The following ELP4 variants were observed in gnomAD, a reference collection of about 807,000 sequenced individuals.
ELP4 encodes the protein elongator complex protein 4.
Under a neutral mutation model 48.9 loss-of-function variants are expected in ELP4, and 51 were observed. That is an observed-to-expected ratio of 1.04 (90% CI 0.83 to 1.32). The LOEUF is 1.32. Among genes scored for constraint, ELP4 ranks in the 40% most tolerant of loss-of-function variants. The probability of loss-of-function intolerance (pLI) is 0.00; values close to 1 mark genes in which losing one functional copy is unlikely to be tolerated. For synonymous variants in ELP4, 210 were observed against 189.2 expected, an observed-to-expected ratio of 1.11 and a Z score of -0.90; for missense variants, 519 against 514.6, an observed-to-expected ratio of 1.01 and a Z score of -0.08.
intron 9 of ELP4, among the ~76,000 whole-genome samples, chr11:31,676,840 C>T (rs182431202): frequency 8.6e-4 from 131 of 152,248 alleles, no homozygotes; most frequent in African/African-American, 3.1e-3. Flanking sequence ...AGGCCAAGCC[C>T]TCTTTGTAGC....
At chr11:31,752,459 ACTCT>A (rs1255414052) in intron 9 of ELP4, among the ~76,000 whole-genome samples, 3 of 152,028 alleles carry the variant, frequency 2.0e-5, no homozygotes, top group Non-Finnish European at 2.9e-5. Context: ...AAGAATGTCC[ACTCT>A]CTCAGGGTCT....
At chr11:31,679,595 T>C (rs1242092045) in intron 9 of ELP4, among the ~76,000 whole-genome samples, 1 of 152,144 alleles carries the variant, frequency 6.6e-6, no homozygotes, top group African/African-American at 2.4e-5. Flanking sequence ...CCTAAAGACA[T>C]CATTTTAACT....
chr11:31,689,245 A>G (rs1946224181), intron 9 of ELP4: 1 of 152,170 alleles, frequency 6.6e-6, no homozygotes, highest in Non-Finnish European at 1.5e-5. Context: ...GTGGAAGACC[A>G]ACCTAGGCAA....
intron 9 of ELP4, among the ~76,000 whole-genome samples, chr11:31,748,009 T>C (rs1947634261): frequency 6.6e-6 from 1 of 152,164 alleles, no homozygotes; most frequent in South Asian, 2.1e-4. Flanking sequence ...GTTTGGACTA[T>C]GTCCAAAAAA....
chr11:31,703,425 C>G (rs1213453215), intron 9 of ELP4, among the ~76,000 whole-genome samples: 1 of 152,046 alleles, frequency 6.6e-6, no homozygotes, highest in African/African-American at 2.4e-5. Context: ...AAAACATTAG[C>G]CAGTGTTTTT....
At chr11:31,731,076 G>A (rs1318833976) in intron 9 of ELP4, among the ~76,000 whole-genome samples, 1 of 152,108 alleles carries the variant, frequency 6.6e-6, no homozygotes, top group African/African-American at 2.4e-5. Context: ...CTCTAATCAG[G>A]CTGATTGGCA....
At chr11:31,545,528 G>A (rs1956687996) in intron 3 of ELP4, among the ~76,000 whole-genome samples, 1 of 152,156 alleles carries the variant, frequency 6.6e-6, no homozygotes, top group Non-Finnish European at 1.5e-5. Context: ...TGAAAGTGAT[G>A]GGGAGAATGG....
At chr11:31,674,788 A>G (rs2862801) in intron 9 of ELP4, among the ~76,000 whole-genome samples, 96,607 of 152,126 alleles carry the variant, frequency 0.64, 33,137 homozygotes, top group Non-Finnish European at 0.76. Flanking sequence ...CACTCATAAA[A>G]TTAAACTTAT....
intron 9 of ELP4, among the ~76,000 whole-genome samples, chr11:31,770,717 A>C (rs1291393205): frequency 6.6e-6 from 1 of 151,790 alleles, no homozygotes; most frequent in African/African-American, 2.4e-5. Context: ...GGAGTTTGAG[A>C]CCAGCCTGGG....
Position 31,509,895 on chromosome 11 carries a change from C to A in ELP4, c.111C>A (p.Ser37Arg). ...TCCAGAGGAGGGGTCCTAGAGCCAG[C>A]GTGACCAACGACAGCGGCCCTCGAC... ...TSFQRRGPRASVTNDSGPRLV... is the reference protein window; with the variant it reads ...TSFQRRGPRARVTNDSGPRLV... The change falls in exon 1 of 10, where the codon AGC becomes AGA. Residue 37 changes from serine (S) to arginine (R), a missense_variant. Coordinates refer to ENST00000640961, the MANE Select transcript of ELP4 (RefSeq NM_019040.5). The A allele has an allele frequency of 6.2e-7, 1 of 1,614,108 alleles. No individual in the cohort carries two copies. The highest frequency in any genetic ancestry group is 1.7e-5 in the Admixed American group (1 of 60,030).
chr11:31,786,096 A>C lies in ELP4; in HGVS notation c.*2572A>C, dbSNP rs997399865. 2 of 202,698 alleles carry C rather than the reference A, an allele frequency of 9.9e-6. No homozygotes were observed. Among genetic ancestry groups the C allele is most frequent in the African/African-American group, 4.6e-5 (2 of 43,676 alleles). 12.6% of individuals were successfully genotyped at this position (202,698 alleles called of 1,614,324 possible). A position where few individuals can be genotyped will look rare whatever the true frequency, so the allele number is the denominator to read the frequency against. On this transcript the variant is annotated 3_prime_UTR_variant, in exon 10 of 10. Coordinates refer to ENST00000640961, the MANE Select transcript of ELP4 (RefSeq NM_019040.5). Reference sequence around the variant, plus strand: ...ATTTCCTTTTAGTAGCCACCATACAATATCTACTTTTCTCTTCCATTTATT... The same window carrying C: ...ATTTCCTTTTAGTAGCCACCATACACTATCTACTTTTCTCTTCCATTTATT...
chr11:31,714,285 G>C (rs1232841285), intron 9 of ELP4, among the ~76,000 whole-genome samples: 1 of 152,000 alleles, frequency 6.6e-6, no homozygotes, highest in African/African-American at 2.4e-5. Context: ...TATTTCCTTA[G>C]AATTTTTTTA....
chr11:31,604,417 A>G (rs1005413509), intron 5 of ELP4, among the ~76,000 whole-genome samples: 2 of 151,858 alleles, frequency 1.3e-5, no homozygotes, highest in Admixed American at 6.6e-5. Context: ...CAATCTGCAT[A>G]ATTTTAAGTG....
In ELP4 at chr11:31,516,730, G is replaced by A. The variant is rs1392302597; in HGVS notation, c.224-3326G>A. On this transcript the variant is annotated intron_variant, in intron 1 of 9. Coordinates refer to ENST00000640961, the MANE Select transcript of ELP4 (RefSeq NM_019040.5). Reference sequence around the variant, plus strand: ...TTGTCTCAAACTCTTGAGCTGAAGTGATCTGCTCACCTTGGCCTTCCAAAA... The same window carrying A: ...TTGTCTCAAACTCTTGAGCTGAAGTAATCTGCTCACCTTGGCCTTCCAAAA... Among the ~76,000 whole-genome samples the A allele has an allele frequency of 2.0e-5, 3 of 152,142 alleles. No individual in the cohort carries two copies. In the East Asian group the frequency reaches 5.8e-4, roughly 29 times the overall value.
At chr11:31,676,245 T>A (rs2134114867) in intron 9 of ELP4, among the ~76,000 whole-genome samples, 1 of 152,336 alleles carries the variant, frequency 6.6e-6, no homozygotes, top group East Asian at 1.9e-4. Context: ...CATAGCTAAC[T>A]GCCTCAATGC....
chr11:31,680,913 C>G (rs1946038693), intron 9 of ELP4, among the ~76,000 whole-genome samples: 1 of 152,038 alleles, frequency 6.6e-6, no homozygotes. Context: ...TTAATTTATC[C>G]TGAGGAGCTC....
At chr11:31,547,779 T>G (rs527805872) in intron 3 of ELP4, among the ~76,000 whole-genome samples, 1 of 152,318 alleles carries the variant, frequency 6.6e-6, no homozygotes, top group East Asian at 1.9e-4. Flanking sequence ...ATCAAAAAGC[T>G]TATCCACCAC....
intron 5 of ELP4, among the ~76,000 whole-genome samples, chr11:31,610,161 T>C (rs1215729299): frequency 2.0e-5 from 3 of 152,154 alleles, no homozygotes; most frequent in Non-Finnish European, 4.4e-5. Flanking sequence ...ATTAAAAGGA[T>C]ATGGTGAATG....
chr11:31,553,843 G>C (rs1274580582), intron 3 of ELP4, among the ~76,000 whole-genome samples: 3 of 151,888 alleles, frequency 2.0e-5, no homozygotes, highest in Non-Finnish European at 2.9e-5. Flanking sequence ...CCAACCCCCA[G>C]CCATGGATCA....
Sources: gnomAD v4.1 joint callset for allele counts (sites outside exome capture counted in the v4.1 genomes callset) on GRCh38, gnomAD v4.1.1 for gene constraint, MANE v1.5 for transcripts, NCBI Gene and HGNC (gene_info 2026-07-23, HGNC 2026-07-21) for gene names.